Variants in PCNX2 observed in about 807,000 individuals in gnomAD.
The protein encoded by PCNX2 is pecanex-like protein 2.
A neutral mutation model predicts 223.8 loss-of-function variants in PCNX2; 168 were observed. That is an observed-to-expected ratio of 0.75 (90% CI 0.66 to 0.85). The LOEUF (loss-of-function observed/expected upper bound fraction) is 0.85, where lower values mean the gene tolerates loss of function less well. PCNX2 is among the 40% of genes least tolerant of loss of function. PCNX2 has a pLI of 0.00. For missense variants in PCNX2, 2,507 were observed against 2,675.5 expected (o/e 0.94, Z 1.39); for synonymous variants, 1,006 against 1,052.6 (o/e 0.96, Z 0.86).
At chr1:233,055,002 TTC>T (rs1417345554) in intron 24 of PCNX2, among the ~76,000 whole-genome samples, 1 of 152,198 alleles carries the variant, frequency 6.6e-6, no homozygotes, top group Middle Eastern at 3.2e-3. Flanking sequence ...TATGAGTGTG[TTC>T]TGTTTCACCT....
At chr1:233,143,208 A>T (rs1472542990) in intron 19 of PCNX2, among the ~76,000 whole-genome samples, 1 of 152,222 alleles carries the variant, frequency 6.6e-6, no homozygotes, top group African/African-American at 2.4e-5. Context: ...TCACTTAGCC[A>T]TGCAGACAAT....
At chr1:233,257,370 G>A (rs1033155429) in intron 5 of PCNX2, among the ~76,000 whole-genome samples, 3 of 152,142 alleles carry the variant, frequency 2.0e-5, no homozygotes, top group Admixed American at 1.3e-4. Flanking sequence ...GTTAATATGA[G>A]AGTAACTGTA....
Position 233,193,053 on chromosome 1 carries a change from ATAT to A in PCNX2, c.3066+5883_3066+5885del, listed in dbSNP as rs974626649. On this transcript the variant is annotated intron_variant, in intron 15 of 33. Coordinates refer to ENST00000258229, the MANE Select transcript of PCNX2 (RefSeq NM_014801.4). The stretch of plus-strand genomic sequence containing the variant: ...TATTTCAATAATATATAAAATTTAT[ATAT>A]TATTATAATTTATCAAATTATTTTA... 7.9e-4 allele frequency among the ~76,000 whole-genome samples: 116 copies of A among 147,296 alleles called. 1 individual carries two copies. The highest frequency in any genetic ancestry group is 3.6e-3 in the Middle Eastern group (1 of 278).
At chr1:233,149,893 T>A (rs938828994) in intron 19 of PCNX2, among the ~76,000 whole-genome samples, 1 of 150,524 alleles carries the variant, frequency 6.6e-6, no homozygotes, top group African/African-American at 2.5e-5. Context: ...TCAATTTATA[T>A]ATATATAAAT....
chr1:233,219,331 G>A (rs560572955), intron 10 of PCNX2, among the ~76,000 whole-genome samples: 49 of 150,826 alleles, frequency 3.2e-4, no homozygotes, highest in Admixed American at 1.8e-3. Context: ...CAAAGGATGA[G>A]CAGAGACAGG....
chr1:233,190,534 GGTTT>G (rs935622538), intron 15 of PCNX2, among the ~76,000 whole-genome samples: 10 of 152,220 alleles, frequency 6.6e-5, no homozygotes, highest in East Asian at 1.9e-4. Context: ...AGAACATTAA[GGTTT>G]GTTTGTTTGT....
Position 233,067,725 on chromosome 1 carries a change from G to A in PCNX2, c.4077-10435C>T, listed in dbSNP as rs186380670. 8.4e-3 allele frequency among the ~76,000 whole-genome samples: 1,270 copies of A among 152,086 alleles called. 9 individuals are homozygous for A. Among genetic ancestry groups the A allele is most frequent in the Non-Finnish European group, 0.012 (795 of 67,994 alleles). The stretch of plus-strand genomic sequence containing the variant: ...TGAGCTCAAGTGATCCACCGGCCTC[G>A]GCCTCCCAAAGTGCTGGGATTACAG... On this transcript the variant is annotated intron_variant, in intron 23 of 33. Coordinates refer to ENST00000258229, the MANE Select transcript of PCNX2 (RefSeq NM_014801.4).
intron 21 of PCNX2, among the ~76,000 whole-genome samples, chr1:233,107,204 C>CACAT (rs1674847292): frequency 6.6e-6 from 1 of 152,032 alleles, no homozygotes; most frequent in African/African-American, 2.4e-5. Context: ...CACACACACA[C>CACAT]ACACACACAA....
At position 232,990,614 on chromosome 1, in the gene PCNX2, G is replaced by A. The variant is rs142463954; in HGVS notation, c.5792-4074C>T. ...AGGAGGGGTAACCATCCACTCATTC[G>A]TCCAACCTTTGTCTGCTGAGCCCAG... is the stretch of plus-strand genomic sequence containing the variant. On this transcript the variant is annotated intron_variant, in intron 32 of 33. Transcript: ENST00000258229. The surrounding 1 kb of genome is among the most constrained non-coding windows in gnomAD (Gnocchi z 4.3). Among the ~76,000 whole-genome samples, 29 of 152,252 alleles carry A rather than the reference G, an allele frequency of 1.9e-4. No homozygotes were observed. The East Asian group carries it at 3.9e-3, about 20-fold the overall frequency.
intron 21 of PCNX2, among the ~76,000 whole-genome samples, chr1:233,111,980 T>C (rs2102977781): frequency 6.6e-6 from 1 of 152,366 alleles, no homozygotes; most frequent in South Asian, 2.1e-4. Flanking sequence ...GTCACATCTT[T>C]GCAATTGCCA....
intron 17 of PCNX2, 146 bp downstream of exon 17, chr1:233,177,656 C>T: frequency 1.7e-6 from 1 of 605,924 alleles, no homozygotes; most frequent in Non-Finnish European, 2.8e-6. Flanking sequence ...GGCAGCTCAA[C>T]AGCCCAGTGT....
intron 28 of PCNX2, among the ~76,000 whole-genome samples, chr1:233,005,740 G>A (rs1219415104): frequency 6.6e-6 from 1 of 152,184 alleles, no homozygotes; most frequent in African/African-American, 2.4e-5. Context: ...GCAGAGGTCC[G>A]CAGGACACCT....
At chr1:233,037,770 T>C (rs1276665046) in intron 25 of PCNX2, among the ~76,000 whole-genome samples, 1 of 152,242 alleles carries the variant, frequency 6.6e-6, no homozygotes, top group Admixed American at 6.5e-5. Flanking sequence ...GCAACAGTTT[T>C]ACATCCCAAG....
intron 19 of PCNX2, among the ~76,000 whole-genome samples, chr1:233,142,271 T>A (rs1196280058): frequency 6.6e-6 from 1 of 151,912 alleles, no homozygotes; most frequent in Non-Finnish European, 1.5e-5. Flanking sequence ...AGTAGTAGAG[T>A]AGTAAAAAAA....
chr1:233,209,945 T>C (rs1681727980), intron 12 of PCNX2, among the ~76,000 whole-genome samples: 1 of 152,210 alleles, frequency 6.6e-6, no homozygotes, highest in Admixed American at 6.5e-5. Context: ...TATGAGACAT[T>C]TCCTCAAACT....
At chr1:233,111,447 T>G (rs757020321) in intron 21 of PCNX2, among the ~76,000 whole-genome samples, 37 of 152,186 alleles carry the variant, frequency 2.4e-4, no homozygotes, top group Non-Finnish European at 3.5e-4. Flanking sequence ...CTTGCTCTGT[T>G]GTCCAGGCTG....
At chr1:233,294,674 CA>C (rs149180703) in intron 1 of PCNX2, among the ~76,000 whole-genome samples, 1,942 of 152,226 alleles carry the variant, frequency 0.013, 32 homozygotes, top group African/African-American at 0.045. Flanking sequence ...CTAAGAAGGC[CA>C]TCTATGTAGT....
intron 15 of PCNX2, among the ~76,000 whole-genome samples, chr1:233,196,910 T>C (rs1023208069): frequency 6.6e-6 from 1 of 152,160 alleles, no homozygotes; most frequent in Admixed American, 6.5e-5. Context: ...CAAGTGAACA[T>C]GAAAACATAC....
intron 15 of PCNX2, among the ~76,000 whole-genome samples, chr1:233,195,829 C>T (rs750633652): frequency 6.6e-6 from 1 of 152,158 alleles, no homozygotes; most frequent in Non-Finnish European, 1.5e-5. Flanking sequence ...CAAAAAGTTA[C>T]AGTTAAGATG....
Sources: allele counts gnomAD v4.1 joint callset (sites outside exome capture counted in the v4.1 genomes callset), GRCh38; gene constraint gnomAD v4.1.1; non-coding constraint Gnocchi (gnomAD v3.1); transcripts MANE v1.5; gene names NCBI Gene and HGNC (gene_info 2026-07-23, HGNC 2026-07-21).